Variants in PRKAR2B observed in about 807,000 individuals in gnomAD.
PRKAR2B encodes cAMP-dependent protein kinase type II-beta regulatory subunit.
In PRKAR2B, 14 loss-of-function variants were observed where a neutral mutation model predicts 49.9. That is an observed-to-expected ratio of 0.28 (90% confidence interval 0.19 to 0.44). The LOEUF is 0.44. Among genes scored for constraint, PRKAR2B ranks in the 20% least tolerant of loss-of-function variants. The pLI, the probability that PRKAR2B is intolerant of heterozygous loss-of-function variation, is 1.00. For synonymous variants in PRKAR2B, 196 were observed against 197.7 expected, an observed-to-expected ratio of 0.99 and a Z score of 0.07; for missense variants, 393 against 537.9, an observed-to-expected ratio of 0.73 and a Z score of 2.67.
intron 2 of PRKAR2B, among the ~76,000 whole-genome samples, chr7:107,113,649 A>G (rs940902184): frequency 3.9e-5 from 6 of 152,138 alleles, no homozygotes; most frequent in Non-Finnish European, 5.9e-5. Flanking sequence ...CCTCCGAATT[A>G]TTCTTCTCGC....
At chr7:107,075,932 C>T (rs1020252720) in intron 2 of PRKAR2B, among the ~76,000 whole-genome samples, 2 of 152,016 alleles carry the variant, frequency 1.3e-5, no homozygotes, top group African/African-American at 4.8e-5. Flanking sequence ...GTGGTTTTGT[C>T]TCTGAATTGG....
chr7:107,137,385 C>G (rs1046993911), intron 4 of PRKAR2B, among the ~76,000 whole-genome samples: 3 of 152,162 alleles, frequency 2.0e-5, no homozygotes, highest in Non-Finnish European at 4.4e-5. Flanking sequence ...CTTTGAAAGA[C>G]AGATGTCTGA....
intron 4 of PRKAR2B, among the ~76,000 whole-genome samples, chr7:107,128,502 C>A (rs2115604953): frequency 6.6e-6 from 1 of 152,172 alleles, no homozygotes; most frequent in South Asian, 2.1e-4. Flanking sequence ...GCTGTTGGAG[C>A]AAGAAGTAAA....
At chr7:107,131,259 G>A (rs1795600193) in intron 4 of PRKAR2B, among the ~76,000 whole-genome samples, 1 of 152,164 alleles carries the variant, frequency 6.6e-6, no homozygotes, top group Non-Finnish European at 1.5e-5. Context: ...GGCATAAATC[G>A]TTGCTAATTA....
At chr7:107,099,318 G>C (rs147104688) in intron 2 of PRKAR2B, among the ~76,000 whole-genome samples, 3 of 152,212 alleles carry the variant, frequency 2.0e-5, no homozygotes, top group Non-Finnish European at 4.4e-5. Context: ...CTCCTAACCA[G>C]GCGCGGGATA....
intron 6 of PRKAR2B, among the ~76,000 whole-genome samples, chr7:107,149,714 G>A (rs919093955): frequency 1.3e-5 from 2 of 151,866 alleles, no homozygotes; most frequent in Admixed American, 6.6e-5. Flanking sequence ...CATCTATACT[G>A]GCATTTTTCT....
At chr7:107,057,408 A>G (rs1793937519) in intron 1 of PRKAR2B, among the ~76,000 whole-genome samples, 1 of 151,728 alleles carries the variant, frequency 6.6e-6, no homozygotes, top group Non-Finnish European at 1.5e-5. Context: ...CGTGGTCACT[A>G]GAGCTCCTTT....
chr7:107,070,159 C>T, intron 1 of PRKAR2B, 122 bp from the exon 2 acceptor site: 29 of 558,402 alleles, frequency 5.2e-5, no homozygotes, highest in South Asian at 3.4e-4. Context: ...ATGGTATTTC[C>T]TCTTATTTAT....
chr7:107,145,733 ATTTTTTTTTTTT>A (rs916332834), intron 5 of PRKAR2B, among the ~76,000 whole-genome samples: 16 of 93,422 alleles, frequency 1.7e-4, no homozygotes, highest in African/African-American at 6.5e-4. Context: ...TCTTCAGATG[ATTTTTTTTTTTT>A]TTTTTTTTTT....
In PRKAR2B at chr7:107,074,929, G is replaced by T. The variant is rs369082037; in HGVS notation, c.343+4613G>T. On this transcript the variant is annotated intron_variant, in intron 2 of 10. Transcript: ENST00000265717. ...CACTGTTCACCTAATATATAGAAAA[G>T]ATCCTAGGGTTTGAAGTTGTACTGA... 1.2e-4 allele frequency among the ~76,000 whole-genome samples: 19 copies of T among 152,028 alleles called. 1 individual carries two copies. In the East Asian group the frequency reaches 2.3e-3, roughly 19 times the overall value.
intron 2 of PRKAR2B, among the ~76,000 whole-genome samples, chr7:107,107,537 A>G (rs1460329215): frequency 1.3e-5 from 2 of 152,126 alleles, no homozygotes; most frequent in Non-Finnish European, 2.9e-5. Context: ...TCTGCTAGAC[A>G]GTAGTACAAA....
chr7:107,085,786 A>G (rs1331632187), intron 2 of PRKAR2B, among the ~76,000 whole-genome samples: 1 of 152,168 alleles, frequency 6.6e-6, no homozygotes, highest in East Asian at 1.9e-4. Context: ...CTTGCTTCTT[A>G]ATACTTCTTA....
chr7:107,054,209 C>T (rs1793867022), intron 1 of PRKAR2B, among the ~76,000 whole-genome samples: 1 of 151,996 alleles, frequency 6.6e-6, no homozygotes, highest in South Asian at 2.1e-4. Context: ...AAAAAATTAG[C>T]CTGGCGTGGT....
At chr7:107,135,742 A>T (rs1795690535) in intron 4 of PRKAR2B, among the ~76,000 whole-genome samples, 2 of 152,174 alleles carry the variant, frequency 1.3e-5, no homozygotes, top group South Asian at 4.1e-4. Context: ...AAATGAAGAG[A>T]TTTCCATGTT....
At chr7:107,112,140 C>T (rs1404199913) in intron 2 of PRKAR2B, among the ~76,000 whole-genome samples, 1 of 138,184 alleles carries the variant, frequency 7.2e-6, no homozygotes, top group Non-Finnish European at 1.5e-5. Context: ...CACCATTGCA[C>T]TCCACCCTGG....
chr7:107,079,375 G>A (rs572382321), intron 2 of PRKAR2B: 1 of 151,606 alleles, frequency 6.6e-6, no homozygotes, highest in South Asian at 2.1e-4. Context: ...TGCTACATGA[G>A]ATAAGAAACT....
At chr7:107,133,767 TAATTA>T (rs1461410995) in intron 4 of PRKAR2B, 1 of 152,216 alleles carries the variant, frequency 6.6e-6, no homozygotes, top group Non-Finnish European at 1.5e-5. Flanking sequence ...GTTCTCAGTT[TAATTA>T]GAGTTTTTTT....
intron 4 of PRKAR2B, among the ~76,000 whole-genome samples, chr7:107,129,901 T>C (rs530379611): frequency 8.5e-5 from 13 of 152,240 alleles, no homozygotes; most frequent in African/African-American, 3.1e-4. Context: ...ATCTCGACTT[T>C]GGTGGGTTTT....
At chr7:107,071,587 A>C (rs1374998672) in intron 2 of PRKAR2B, among the ~76,000 whole-genome samples, 2 of 152,196 alleles carry the variant, frequency 1.3e-5, no homozygotes, top group Non-Finnish European at 2.9e-5. Flanking sequence ...CTTTATGAGC[A>C]GTGGTGGGAA....
Sources: allele counts gnomAD v4.1 joint callset (sites outside exome capture counted in the v4.1 genomes callset), GRCh38; gene constraint gnomAD v4.1.1; transcripts MANE v1.5; gene names NCBI Gene and HGNC (gene_info 2026-07-23, HGNC 2026-07-21).